NEDD4L: variants seen among roughly 807,000 people sequenced by gnomAD.
The protein encoded by NEDD4L is NEDD4 like E3 ubiquitin protein ligase.
In NEDD4L, 54 loss-of-function variants were observed where a neutral mutation model predicts 148.9. The observed-to-expected ratio is 0.36, with a 90% CI of 0.29 to 0.45. The LOEUF (loss-of-function observed/expected upper bound fraction) is 0.45, where lower values mean the gene tolerates loss of function less well. Among genes scored for constraint, NEDD4L ranks in the 20% least tolerant of loss-of-function variants. NEDD4L has a pLI of 1.00. For synonymous variants in NEDD4L, 433 were observed against 440.7 expected, an observed-to-expected ratio of 0.98 and a Z score of 0.22; for missense variants, 856 against 1,233.8, an observed-to-expected ratio of 0.69 and a Z score of 4.59.
At chr18:58,387,729 G>A in intron 27 of NEDD4L, 1 of 428,778 alleles carries the variant, frequency 2.3e-6, no homozygotes, top group Non-Finnish European at 3.9e-6. Context: ...ATAATCAGCT[G>A]TAGTTGCCTT....
chr18:58,396,003 G>A (rs986833560), intron 30 of NEDD4L, among the ~76,000 whole-genome samples, 164 bp from the exon 31 acceptor site: 5 of 152,162 alleles, frequency 3.3e-5, no homozygotes, highest in Non-Finnish European at 7.3e-5. Context: ...AGCTTATTTA[G>A]TGTGGATGTT....
chr18:58,302,120 C>T (rs1404696722), intron 5 of NEDD4L, among the ~76,000 whole-genome samples: 1 of 152,150 alleles, frequency 6.6e-6, no homozygotes, highest in Admixed American at 6.5e-5. Context: ...CTGTTGATGA[C>T]ACAATTTTCT....
intron 1 of NEDD4L, among the ~76,000 whole-genome samples, chr18:58,049,023 A>G (rs1344098103): frequency 6.6e-6 from 1 of 152,244 alleles, no homozygotes; most frequent in African/African-American, 2.4e-5. Flanking sequence ...ATTGCTGTCA[A>G]GTTATGACAT....
At chr18:58,251,937 T>C in intron 4 of NEDD4L, 64 bp from the exon 5 acceptor site, 3 of 880,678 alleles carry the variant, frequency 3.4e-6, no homozygotes, top group Non-Finnish European at 5.8e-6. Flanking sequence ...ATTCTTTCTG[T>C]TCCTTACGTC....
intron 2 of NEDD4L, among the ~76,000 whole-genome samples, chr18:58,216,203 C>T (rs1344822575): frequency 1.3e-5 from 2 of 151,888 alleles, no homozygotes; most frequent in Admixed American, 6.6e-5. Flanking sequence ...GAGGAGTGTT[C>T]GTAGAGAGGC....
At chr18:58,293,837 C>T (rs2055138690) in intron 5 of NEDD4L, among the ~76,000 whole-genome samples, 1 of 152,192 alleles carries the variant, frequency 6.6e-6, no homozygotes, top group Admixed American at 6.5e-5. Context: ...ATCCTCCCAC[C>T]TCAGCTTCCC....
chr18:58,080,492 C>A (rs2083374817), intron 1 of NEDD4L, among the ~76,000 whole-genome samples: 1 of 152,142 alleles, frequency 6.6e-6, no homozygotes, highest in Non-Finnish European at 1.5e-5. Context: ...AGGTGAGAGG[C>A]TATATATTCA....
At chr18:58,372,015 C>T (rs2046944173) in intron 23 of NEDD4L, 1 of 152,224 alleles carries the variant, frequency 6.6e-6, no homozygotes, top group Non-Finnish European at 1.5e-5. Flanking sequence ...GAAACCAGAG[C>T]AGCCACCCTT....
intron 5 of NEDD4L, among the ~76,000 whole-genome samples, chr18:58,261,589 T>G (rs1403645872): frequency 6.6e-6 from 1 of 152,248 alleles, no homozygotes; most frequent in South Asian, 2.1e-4. Context: ...TAATACATAC[T>G]GATAAGAAAC....
intron 1 of NEDD4L, among the ~76,000 whole-genome samples, chr18:58,133,141 G>T (rs2032386272): frequency 1.3e-5 from 2 of 152,214 alleles, no homozygotes; most frequent in African/African-American, 2.4e-5. Context: ...TAACAGCTGG[G>T]AATTGGATGT....
intron 1 of NEDD4L, among the ~76,000 whole-genome samples, chr18:58,135,685 T>C (rs540476417): frequency 1.3e-5 from 2 of 152,368 alleles, no homozygotes; most frequent in East Asian, 3.9e-4. Context: ...TCTTGTAGAA[T>C]TAACACATTT....
intron 24 of NEDD4L, among the ~76,000 whole-genome samples, chr18:58,383,039 C>A (rs1213937032): frequency 6.6e-6 from 1 of 152,122 alleles, no homozygotes; most frequent in Non-Finnish European, 1.5e-5. Context: ...AACCATAAAA[C>A]AATTTGCCTT....
intron 2 of NEDD4L, among the ~76,000 whole-genome samples, chr18:58,225,928 G>A (rs1277010054): frequency 6.6e-6 from 1 of 152,150 alleles, no homozygotes; most frequent in Non-Finnish European, 1.5e-5. Context: ...GTTTTCTTCT[G>A]CCATGGTATC....
At chr18:58,253,619 G>A (rs1197589205) in intron 5 of NEDD4L, among the ~76,000 whole-genome samples, 2 of 152,202 alleles carry the variant, frequency 1.3e-5, no homozygotes, top group Non-Finnish European at 2.9e-5. Flanking sequence ...GGGTGTGTCT[G>A]TAGACTAATC....
chr18:58,374,901 G>A (rs559189988), intron 24 of NEDD4L, among the ~76,000 whole-genome samples: 4 of 151,968 alleles, frequency 2.6e-5, no homozygotes, highest in South Asian at 2.1e-4. Context: ...ACCCATCTCC[G>A]CTCACCACCA....
At chr18:58,365,134 C>T (rs2045951933) in intron 20 of NEDD4L, among the ~76,000 whole-genome samples, 1 of 152,206 alleles carries the variant, frequency 6.6e-6, no homozygotes, top group Non-Finnish European at 1.5e-5. Context: ...CTGGATGGGG[C>T]ACAATGTCTG....
At chr18:58,227,955 T>C in intron 2 of NEDD4L, 1 of 508,580 alleles carries the variant, frequency 2.0e-6, no homozygotes, top group Non-Finnish European at 2.5e-6. Context: ...TTGAGCAGTA[T>C]TACACCTTAA....
At chr18:58,361,168 G>T (rs2045420683) in intron 19 of NEDD4L, among the ~76,000 whole-genome samples, 1 of 152,126 alleles carries the variant, frequency 6.6e-6, no homozygotes, top group African/African-American at 2.4e-5. Context: ...TCTAGGTCCA[G>T]TGCCCACTGA....
At chr18:58,323,366 C>T in intron 8 of NEDD4L, 32 bp downstream of exon 8, 1 of 1,087,644 alleles carries the variant, frequency 9.2e-7, no homozygotes, top group Non-Finnish European at 1.4e-6. Flanking sequence ...TCTCTCCTTG[C>T]CTTGAGATCA....
Sources: gnomAD v4.1 joint callset for allele counts (sites outside exome capture counted in the v4.1 genomes callset) on GRCh38, gnomAD v4.1.1 for gene constraint, MANE v1.5 for transcripts, NCBI Gene and HGNC (gene_info 2026-07-23, HGNC 2026-07-21) for gene names.